The following AATF variants were observed in gnomAD, a reference collection of about 807,000 sequenced individuals.
AATF encodes protein AATF.
AATF carries 48 observed loss-of-function variants against 63.7 expected under a neutral mutation model. The ratio of observed to expected loss-of-function variants is 0.75; its 90% CI spans 0.60 to 0.96. AATF has a LOEUF of 0.96. Ranked by LOEUF, AATF falls within the 40% of genes least tolerant of loss-of-function variation. AATF has a pLI of 0.00. For missense variants in AATF, 639 were observed against 685.7 expected, an observed-to-expected ratio of 0.93 and a Z score of 0.76; for synonymous variants, 258 against 247.7, an observed-to-expected ratio of 1.04 and a Z score of -0.39.
At chr17:36,987,134 C>T (rs1411934025) in intron 5 of AATF, among the ~76,000 whole-genome samples, 2 of 150,520 alleles carry the variant, frequency 1.3e-5, no homozygotes, top group East Asian at 3.9e-4. Context: ...ACTGCAGGCA[C>T]TTGCCACCAT....
intron 10 of AATF, among the ~76,000 whole-genome samples, chr17:37,024,013 A>G (rs2071492733): frequency 6.6e-6 from 1 of 152,282 alleles, no homozygotes; most frequent in East Asian, 1.9e-4. Flanking sequence ...ATTACACTAC[A>G]CTGTTTAGAA....
intron 8 of AATF, 26 bp from the exon 9 acceptor site, chr17:37,018,979 A>AT (rs751461812): frequency 6.2e-6 from 10 of 1,602,886 alleles, no homozygotes; most frequent in Admixed American, 1.7e-5. Flanking sequence ...TGATAAATAA[A>AT]TTCGTTGCTT....
chr17:37,049,411 G>A (rs144038512), intron 11 of AATF, among the ~76,000 whole-genome samples: 2,512 of 152,208 alleles, frequency 0.017, 80 homozygotes, highest in African/African-American at 0.056. Context: ...GACCATCCTG[G>A]CTAACACAGT....
Position 36,949,207 on chromosome 17 carries a change from C to A in AATF, c.82C>A (p.Pro28Thr). ...AAGCGAGGCGGACCCTGAAGCGGAC[C>A]CCGAGGAAGGTGAGGCCGGACTGGG... Reference protein sequence around the residue: ...RPSEADPEADPEEATAARVID... With the variant: ...RPSEADPEADTEEATAARVID... Residue 28 changes from proline (P) to threonine (T), a missense_variant, in exon 1 of 12, where the codon CCC (proline) becomes ACC (threonine). Physicochemically the swap from Pro to Thr is conservative, Grantham distance 38. Coordinates refer to ENST00000619387, the MANE Select transcript of AATF (RefSeq NM_012138.4). 6.3e-7 allele frequency: 1 copy of A among 1,591,498 alleles called. No individual in the cohort carries two copies.
intron 10 of AATF, among the ~76,000 whole-genome samples, chr17:37,021,444 C>T (rs947493489): frequency 3.9e-5 from 6 of 152,044 alleles, no homozygotes; most frequent in South Asian, 2.1e-4. Context: ...TCCTGGCCAA[C>T]GTGGTGAAAC....
intron 11 of AATF, among the ~76,000 whole-genome samples, chr17:37,049,446 C>CA (rs1033206087): frequency 1.8e-4 from 27 of 151,726 alleles, no homozygotes; most frequent in Admixed American, 2.0e-4. Context: ...ACTAAAAATA[C>CA]AAAAAAAAGT....
intron 8 of AATF, among the ~76,000 whole-genome samples, chr17:37,002,484 G>A (rs113370294): frequency 0.12 from 18,671 of 151,082 alleles, 1,340 homozygotes; most frequent in Non-Finnish European, 0.16. Flanking sequence ...TGGCTAACAC[G>A]GTGAAACCCT....
rs1426148974 is a variant in AATF, at chr17:36,989,201, A to G, written c.1150-46A>G. ...AGAGAAACCAATGTAGCTTGCCTTC[A>G]GCACTGATTTTCTGCATTATCTGAC... On this transcript the variant is annotated intron_variant, in intron 6 of 11. Coordinates refer to ENST00000619387, the MANE Select transcript of AATF (RefSeq NM_012138.4). 3 of 1,569,882 alleles carry G rather than the reference A, an allele frequency of 1.9e-6. 1 individual carries two copies. The South Asian group carries it at 3.5e-5, about 18-fold the overall frequency.
intron 8 of AATF, among the ~76,000 whole-genome samples, chr17:36,993,806 T>G (rs1271504313): frequency 6.6e-6 from 1 of 152,206 alleles, no homozygotes; most frequent in East Asian, 1.9e-4. Context: ...TTGTAAGGGT[T>G]TAAAGGCTTA....
At position 36,983,984 on chromosome 17, in the gene AATF, T is replaced by C. The variant is rs75466590; in HGVS notation, c.833-2633T>C. ...AAATAGAATGCTATAGTATGAAATATATGGAGAACTTGTCTAACTCATGTA... is the reference window on the plus strand; with the variant it reads ...AAATAGAATGCTATAGTATGAAATACATGGAGAACTTGTCTAACTCATGTA... On this transcript the variant is annotated intron_variant, in intron 4 of 11. Coordinates refer to ENST00000619387, the MANE Select transcript of AATF (RefSeq NM_012138.4). 2.1e-3 allele frequency among the ~76,000 whole-genome samples: 324 copies of C among 152,310 alleles called. 1 individual carries two copies. The highest frequency in any genetic ancestry group is 7.4e-3 in the African/African-American group (307 of 41,562).
chr17:37,024,160 C>T (rs2071493947), intron 10 of AATF, among the ~76,000 whole-genome samples: 1 of 152,158 alleles, frequency 6.6e-6, no homozygotes, highest in Non-Finnish European at 1.5e-5. Context: ...GAGAGGATGG[C>T]AGACCCTAGC....
At chr17:37,017,177 A>G (rs953789210) in intron 8 of AATF, among the ~76,000 whole-genome samples, 2 of 152,178 alleles carry the variant, frequency 1.3e-5, no homozygotes, top group African/African-American at 4.8e-5. Flanking sequence ...GGTGACCCTG[A>G]TTGCCCAGTC....
chr17:37,014,362 G>T (rs890151973), intron 8 of AATF, among the ~76,000 whole-genome samples: 2 of 151,954 alleles, frequency 1.3e-5, no homozygotes, highest in Non-Finnish European at 2.9e-5. Context: ...AAGGTACCTT[G>T]CTGTCCTCTG....
chr17:36,953,426 C>T (rs1597696538), intron 3 of AATF, 130 bp downstream of exon 3: 1 of 1,445,816 alleles, frequency 6.9e-7, no homozygotes, highest in East Asian at 2.4e-5. Context: ...GCCCCACTTA[C>T]CCAGAAGCCT....
rs1234788902 is a variant in AATF, at chr17:37,021,831, T to A, written c.1547+817T>A. ...AAAAAAAAAAAAAAAATAATAATAA[T>A]AATAATAATAAATATAAAAATGTTA... On this transcript the variant is annotated intron_variant, in intron 10 of 11. Transcript: ENST00000619387. 1.4e-4 allele frequency among the ~76,000 whole-genome samples: 21 copies of A among 146,534 alleles called. 2 individuals are homozygous for A. Among genetic ancestry groups the A allele is most frequent in the African/African-American group, 5.0e-4 (20 of 39,886 alleles).
chr17:36,966,173 A>G (rs567415689), intron 4 of AATF, among the ~76,000 whole-genome samples: 1 of 151,906 alleles, frequency 6.6e-6, no homozygotes, highest in African/African-American at 2.4e-5. Flanking sequence ...TGATTTTACC[A>G]TGTTTATGTT....
intron 4 of AATF, among the ~76,000 whole-genome samples, chr17:36,955,694 T>A (rs8068619): frequency 0.14 from 21,151 of 152,150 alleles, 3,438 homozygotes; most frequent in African/African-American, 0.4. Context: ...AAAAAATTCA[T>A]ATTTAAATAT....
chr17:37,004,327 G>GA (rs1202360245), intron 8 of AATF, among the ~76,000 whole-genome samples: 8 of 151,666 alleles, frequency 5.3e-5, no homozygotes, highest in Admixed American at 1.3e-4. Flanking sequence ...GCTAAACTCT[G>GA]AAAAAAAAGA....
intron 4 of AATF, among the ~76,000 whole-genome samples, chr17:36,972,051 C>T (rs373314820): frequency 2.6e-5 from 4 of 151,998 alleles, no homozygotes; most frequent in Non-Finnish European, 5.9e-5. Context: ...TTGTTGTGTA[C>T]GTTTTGCTTG....
Sources: gnomAD v4.1 joint callset for allele counts (sites outside exome capture counted in the v4.1 genomes callset) on GRCh38, gnomAD v4.1.1 for gene constraint, MANE v1.5 for transcripts, NCBI Gene and HGNC (gene_info 2026-07-23, HGNC 2026-07-21) for gene names.